Variants in B4GALNT4 observed in about 807,000 individuals in gnomAD.
The protein encoded by B4GALNT4 is N-acetyl-beta-glucosaminyl-glycoprotein 4-beta-N-acetylgalactosaminyltransferase 1.
Under a neutral mutation model 110.0 loss-of-function variants are expected in B4GALNT4, and 77 were observed. That is an observed-to-expected ratio of 0.70 (90% CI 0.58 to 0.85). B4GALNT4 has a LOEUF of 0.85. Among genes scored for constraint, B4GALNT4 ranks in the 40% least tolerant of loss-of-function variants. The pLI is 0.00. For missense variants in B4GALNT4, 1,575 were observed against 1,506.0 expected, an observed-to-expected ratio of 1.05 and a Z score of -0.76; for synonymous variants, 785 against 655.5, an observed-to-expected ratio of 1.20 and a Z score of -3.02.
intron 1 of B4GALNT4, among the ~76,000 whole-genome samples, chr11:370,704 T>C (rs11246133): frequency 0.078 from 11,898 of 152,072 alleles, 1,176 homozygotes; most frequent in African/African-American, 0.23. Context: ...TGGGGCAGAA[T>C]GCCCCCTCTG....
In B4GALNT4 at chr11:376,753, C is replaced by T. The variant is rs1846764859; in HGVS notation, c.1630C>T (p.Arg544Cys). 7.2e-7 allele frequency: 1 copy of T among 1,391,024 alleles called. No homozygotes were observed. Among genetic ancestry groups the T allele is most frequent in the South Asian group, 1.5e-5 (1 of 67,796 alleles). 86.2% of individuals were successfully genotyped at this position (1,391,024 alleles called of 1,614,324 possible). Residue 544 changes from arginine (R) to cysteine (C), a missense_variant, in exon 14 of 20, where the codon CGT (arginine) becomes TGT (cysteine). Arg to Cys is a radical substitution (Grantham distance 180, BLOSUM62 -3). Transcript: ENST00000329962. ...QRASPRAPAPRAPWPPFPGVF... is the reference protein window; with the variant it reads ...QRASPRAPAPCAPWPPFPGVF... ...GGCATCCCCCCGGGCCCCAGCGCCGCGTGCGCCCTGGCCGCCCTTCCCTGG... is the reference window on the plus strand; with the variant it reads ...GGCATCCCCCCGGGCCCCAGCGCCGTGTGCGCCCTGGCCGCCCTTCCCTGG...
chr11:372,945 CAT>C lies in B4GALNT4; in HGVS notation c.443_444del (p.Thr149AlafsTer96). 6.2e-7 allele frequency: 1 copy of C among 1,609,166 alleles called. No individual in the cohort carries two copies. The highest frequency in any genetic ancestry group is 8.5e-7 in the Non-Finnish European group (1 of 1,178,558). ...RRNLHFPLFP[H>X]TRTTVKKLAV... ...GAACCTGCACTTCCCGCTGTTCCCTCATGTGAGTGCCGGGGTTGGGGGGTGCC... is the reference window on the plus strand; with the variant it reads ...GAACCTGCACTTCCCGCTGTTCCCTCGTGAGTGCCGGGGTTGGGGGGTGCC... On this transcript the variant is annotated frameshift_variant and splice_region_variant, in exon 4 of 20. Transcript: ENST00000329962. LOFTEE classifies it high-confidence loss of function.
Position 379,592 on chromosome 11 carries a change from TC to T in B4GALNT4, c.2382del (p.Glu795AsnfsTer28). The T allele has an allele frequency of 6.3e-7, 1 of 1,576,356 alleles. No homozygotes were observed. Among genetic ancestry groups the T allele is most frequent in the Non-Finnish European group, 8.6e-7 (1 of 1,163,066 alleles). ...ARVGDADGES[P>X]EPAPAASVRP... ...GCGTAGGGGATGCAGACGGAGAAAG[TC>T]CCGAACCCGCTCCCGCCGCCTCCGT... is the stretch of plus-strand genomic sequence containing the variant. On this transcript the variant is annotated frameshift_variant, in exon 15 of 20. Coordinates refer to ENST00000329962, the MANE Select transcript of B4GALNT4 (RefSeq NM_178537.5). LOFTEE classifies it high-confidence loss of function.
At chr11:372,481 C>A (rs1040426733) in intron 2 of B4GALNT4, among the ~76,000 whole-genome samples, 181 bp from the exon 3 acceptor site, 5 of 151,842 alleles carry the variant, frequency 3.3e-5, no homozygotes, top group African/African-American at 9.7e-5. Context: ...GCTAGAGTGA[C>A]CAGGGTGTCT....
At position 377,140 on chromosome 11, in the gene B4GALNT4, G is replaced by C; in HGVS notation, c.2017G>C (p.Gly673Arg). Residue 673 changes from glycine (G) to arginine (R), a missense_variant, in exon 14 of 20, where the codon GGA becomes CGA. Gly to Arg is a moderately radical substitution (Grantham distance 125). Transcript: ENST00000329962. ...CGAGGAGGCCGCGGGCCCGGCGCTC[G>C]GACGCTGGCGTGAGGACGCCATCGA... ...DSEEAAGPAL[G>R]RWREDAIDWQ... 3 of 1,522,998 alleles carry C rather than the reference G, an allele frequency of 2.0e-6. No individual in the cohort carries two copies. The highest frequency in any genetic ancestry group is 8.8e-7 in the Non-Finnish European group (1 of 1,136,698). 94.3% of individuals were successfully genotyped at this position (1,522,998 alleles called of 1,614,324 possible).
In B4GALNT4 at chr11:379,612, C is replaced by T. The variant is rs1470118197; in HGVS notation, c.2399C>T (p.Ala800Val). Residue 800 changes from alanine (A) to valine (V), a missense_variant, in exon 15 of 20, where the codon GCC (alanine) becomes GTC (valine). Coordinates refer to ENST00000329962, the MANE Select transcript of B4GALNT4 (RefSeq NM_178537.5). ...GAAAGTCCCGAACCCGCTCCCGCCG[C>T]CTCCGTGCGCCCCGACGGCCGCCCC... ...DGESPEPAPA[A>V]SVRPDGRPEL... The T allele has an allele frequency of 3.9e-6, 6 of 1,546,018 alleles. No individual in the cohort carries two copies. The highest frequency in any genetic ancestry group is 5.2e-6 in the Non-Finnish European group (6 of 1,149,406).
intron 2 of B4GALNT4, 127 bp from the exon 3 acceptor site, chr11:372,535 G>C (rs1846635152): frequency 1.2e-6 from 1 of 854,348 alleles, no homozygotes; most frequent in East Asian, 2.6e-5. Flanking sequence ...TGCATGGCTG[G>C]GGCTCACGGG....
chr11:372,902 C>T lies in B4GALNT4; in HGVS notation c.399C>T (p.Ala133=), dbSNP rs747931148. The change falls in exon 4 of 20, where the codon GCC becomes GCT. Residue 133 remains alanine, a synonymous_variant. Transcript: ENST00000329962. ...LHVFEDWCGG[A]VGHLRRNLHF... ...TGTTTGAGGACTGGTGTGGGGGCGCCGTGGGCCACCTGAGGAGGAACCTGC... is the reference window on the plus strand; with the variant it reads ...TGTTTGAGGACTGGTGTGGGGGCGCTGTGGGCCACCTGAGGAGGAACCTGC... 3.6e-5 allele frequency: 55 copies of T among 1,547,786 alleles called. No homozygotes were observed. The highest frequency in any genetic ancestry group is 7.8e-5 in the South Asian group (7 of 89,972).
chr11:379,913 G>A lies in B4GALNT4; in HGVS notation c.2536G>A (p.Ala846Thr). Residue 846 changes from alanine (A) to threonine (T), a missense_variant, in exon 16 of 20, where the codon GCG becomes ACG. Ala to Thr is a moderately conservative substitution (Grantham distance 58). Coordinates refer to ENST00000329962, the MANE Select transcript of B4GALNT4 (RefSeq NM_178537.5). Reference sequence around the variant, plus strand: ...GGCACAGTTCCTGGCGGACATGGCTGCGCTGCACGCGCGCACCGGGGACTC... The same window carrying A: ...GGCACAGTTCCTGGCGGACATGGCTACGCTGCACGCGCGCACCGGGGACTC... Reference protein sequence around the residue: ...WVAQFLADMAALHARTGDSRF... With the variant: ...WVAQFLADMATLHARTGDSRF... The A allele has an allele frequency of 1.9e-6, 3 of 1,610,052 alleles. No individual in the cohort carries two copies. The South Asian group carries it at 3.3e-5, about 18-fold the overall frequency.
chr11:376,074 G>C lies in B4GALNT4; in HGVS notation c.1096G>C (p.Val366Leu), dbSNP rs1846742756. 6.4e-7 allele frequency: 1 copy of C among 1,565,684 alleles called. No homozygotes were observed. Among genetic ancestry groups the C allele is most frequent in the Middle Eastern group, 1.7e-4 (1 of 5,948 alleles). ...AGCCCTGCGCCCCCCCACCCCCCAGGTGTACCTGTCCTTCGTTTATCCCAA... is the reference window on the plus strand; with the variant it reads ...AGCCCTGCGCCCCCCCACCCCCCAGCTGTACCTGTCCTTCGTTTATCCCAA... ...PIARYQGLQF[V>L]YLSFVYPNDY... The change falls in exon 12 of 20, where the codon GTG becomes CTG. Residue 366 changes from valine (V) to leucine (L), a missense_variant and splice_region_variant. Coordinates refer to ENST00000329962, the MANE Select transcript of B4GALNT4 (RefSeq NM_178537.5).
chr11:377,009 T>A lies in B4GALNT4; in HGVS notation c.1886T>A (p.Leu629Gln). 1 of 1,449,580 alleles carries A rather than the reference T, an allele frequency of 6.9e-7. No homozygotes were observed. Among genetic ancestry groups the A allele is most frequent in the Non-Finnish European group, 9.0e-7 (1 of 1,106,014 alleles). 89.8% of individuals were successfully genotyped at this position (1,449,580 alleles called of 1,614,324 possible). The change falls in exon 14 of 20, where the codon CTG becomes CAG. Residue 629 changes from leucine (L) to glutamine (Q), a missense_variant. Transcript: ENST00000329962. ...SSEARPVTSF[L>Q]SLSQVSGPQL... is the part of the protein sequence containing the mutation. ...GAAGCGCGGCCCGTGACCTCCTTCC[T>A]GAGCTTGTCCCAGGTGTCCGGGCCG...
Position 381,734 on chromosome 11 carries a change from C to G in B4GALNT4, c.3062C>G (p.Ser1021Cys). The G allele has an allele frequency of 6.3e-7, 1 of 1,591,872 alleles. No homozygotes were observed. The highest frequency in any genetic ancestry group is 1.1e-5 in the South Asian group (1 of 89,410). The change falls in exon 20 of 20, where the codon TCC becomes TGC. Residue 1021 changes from serine to cysteine, a missense_variant. By Grantham distance (112) the Ser-to-Cys change is moderately radical. Transcript: ENST00000329962. ...RLRNFYHHYH[S>C]KRGMWSVRSR... ...CGGAATTTCTATCACCACTACCACT[C>G]CAAGAGGGGCATGTGGAGCGTCCGC...
At chr11:371,433 C>A (rs1846617310) in intron 1 of B4GALNT4, among the ~76,000 whole-genome samples, 1 of 152,176 alleles carries the variant, frequency 6.6e-6, no homozygotes, top group Non-Finnish European at 1.5e-5. Flanking sequence ...TAGACATCCC[C>A]ACTGCAGCCC....
Position 380,136 on chromosome 11 carries a change from G to C in B4GALNT4, c.2649G>C (p.Gln883His). The change falls in exon 17 of 20, where the codon CAG (glutamine) becomes CAC (histidine). Residue 883 changes from glutamine (Q) to histidine (H), a missense_variant. Transcript: ENST00000329962. ...ALRAARLPRY[Q>H]YLRRTGNFER... ...TGTGACTCGCCCTCCCCAGGTACCA[G>C]TACCTGAGACGAACCGGGAACTTCG... 6.2e-7 allele frequency: 1 copy of C among 1,603,558 alleles called. No individual in the cohort carries two copies. Among genetic ancestry groups the C allele is most frequent in the Non-Finnish European group, 8.5e-7 (1 of 1,173,038 alleles).
intron 8 of B4GALNT4, among the ~76,000 whole-genome samples, chr11:375,202 GGGAGGGAGGAGGAAA>G (rs1846716964): frequency 6.7e-6 from 1 of 148,154 alleles, no homozygotes; most frequent in Non-Finnish European, 1.5e-5. Flanking sequence ...GGAGGAGGAA[GGGAGGGAGGAGGAAA>G]GGTGAGGAAG....
chr11:373,023 C>CA lies in B4GALNT4; in HGVS notation c.445-2dup, dbSNP rs1846647864. 1 of 1,612,384 alleles carries CA rather than the reference C, an allele frequency of 6.2e-7. No individual in the cohort carries two copies. ...TCGACAGCAACAGTCACTGCCCCCC[C>CA]AGACGCGCACCACCGTGAAGAAGTT... On this transcript the variant is annotated splice_polypyrimidine_tract_variant and splice_region_variant and intron_variant, in intron 4 of 19. Transcript: ENST00000329962.
chr11:380,592 C>G, intron 18 of B4GALNT4, 147 bp downstream of exon 18: 1 of 1,308,278 alleles, frequency 7.6e-7, no homozygotes, highest in Non-Finnish European at 1.1e-6. Flanking sequence ...CCCAGTCCCC[C>G]CGCACCAGCA....
intron 6 of B4GALNT4, 77 bp downstream of exon 6, chr11:373,368 T>C (rs1846655810): frequency 1.3e-6 from 2 of 1,562,028 alleles, no homozygotes; most frequent in Non-Finnish European, 1.7e-6. Context: ...CTCTTGGGAA[T>C]GAGGACCCGA....
chr11:375,438 C>A, intron 8 of B4GALNT4, 23 bp from the exon 9 acceptor site: 11 of 1,610,810 alleles, frequency 6.8e-6, no homozygotes, highest in Non-Finnish European at 9.3e-6. Flanking sequence ...CTGTCCCTGA[C>A]CCCCACCCTC....
Sources: gnomAD v4.1 joint callset for allele counts (sites outside exome capture counted in the v4.1 genomes callset) on GRCh38, gnomAD v4.1.1 for gene constraint, MANE v1.5 for transcripts, NCBI Gene and HGNC (gene_info 2026-07-23, HGNC 2026-07-21) for gene names.